Variants in ZNF106 observed in about 807,000 individuals in gnomAD.
ZNF106 encodes zinc finger protein 106, also known as SH3-domain binding protein 3.
In ZNF106, 67 loss-of-function variants were observed where a neutral mutation model predicts 195.1. The ratio of observed to expected loss-of-function variants is 0.34; its 90% confidence interval spans 0.28 to 0.42. The LOEUF (loss-of-function observed/expected upper bound fraction) is 0.42, where lower values mean the gene tolerates loss of function less well. ZNF106 is among the 10% of genes least tolerant of loss of function. The probability of loss-of-function intolerance (pLI) is 1.00; values close to 1 mark genes in which losing one functional copy is unlikely to be tolerated. For synonymous variants in ZNF106, 784 were observed against 818.6 expected (o/e 0.96, Z 0.72); for missense variants, 2,118 against 2,304.5 (o/e 0.92, Z 1.66).
chr15:42,466,725 T>C (rs2056525529), intron 2 of ZNF106, among the ~76,000 whole-genome samples: 2 of 152,220 alleles, frequency 1.3e-5, no homozygotes, highest in African/African-American at 2.4e-5. Flanking sequence ...CACTGTCCAC[T>C]CCCTCACTTC....
chr15:42,423,987 A>G lies in ZNF106; in HGVS notation c.5253+11T>C, dbSNP rs1186490867. The G allele has an allele frequency of 6.2e-7, 1 of 1,605,312 alleles. No individual in the cohort carries two copies. The highest frequency in any genetic ancestry group is 8.5e-7 in the Non-Finnish European group (1 of 1,177,258). ...TTCACAGTTTCTTTACACAACACCA[A>G]CACAGCTTACGTGAATGTTGTGAGC... On this transcript the variant is annotated intron_variant, in intron 17 of 21. Transcript: ENST00000564754.
intron 1 of ZNF106, among the ~76,000 whole-genome samples, chr15:42,478,480 G>C (rs2056831337): frequency 6.7e-6 from 1 of 150,280 alleles, no homozygotes; most frequent in African/African-American, 2.4e-5. Flanking sequence ...TGTTATTATG[G>C]AAGCCATATT....
intron 2 of ZNF106, among the ~76,000 whole-genome samples, chr15:42,471,172 A>G (rs113707946): frequency 6.6e-6 from 1 of 152,076 alleles, no homozygotes; most frequent in Non-Finnish European, 1.5e-5. Context: ...TTGTTCTCCT[A>G]CCCAAAATAT....
chr15:42,428,532 G>A (rs561101035), intron 14 of ZNF106, among the ~76,000 whole-genome samples: 2 of 152,266 alleles, frequency 1.3e-5, no homozygotes, highest in South Asian at 2.1e-4. Context: ...CAAATATGTG[G>A]TTTTCCGCAC....
At chr15:42,471,589 T>C (rs1202962273) in intron 2 of ZNF106, among the ~76,000 whole-genome samples, 2 of 151,942 alleles carry the variant, frequency 1.3e-5, no homozygotes, top group Non-Finnish European at 2.9e-5. Context: ...AAATCAGCCA[T>C]ACCCAGCAGC....
chr15:42,449,236 A>G (rs1249009493), intron 5 of ZNF106, among the ~76,000 whole-genome samples: 2 of 152,212 alleles, frequency 1.3e-5, no homozygotes, highest in Non-Finnish European at 2.9e-5. Flanking sequence ...TAGCATTCAG[A>G]AAAGTCTAGT....
chr15:42,462,037 A>G (rs1248814229), intron 3 of ZNF106, among the ~76,000 whole-genome samples: 1 of 152,190 alleles, frequency 6.6e-6, no homozygotes, highest in Admixed American at 6.5e-5. Flanking sequence ...ACTATATCCA[A>G]TATGTGAGTA....
At chr15:42,482,301 T>C (rs1035991957) in intron 1 of ZNF106, among the ~76,000 whole-genome samples, 2 of 152,168 alleles carry the variant, frequency 1.3e-5, no homozygotes, top group African/African-American at 4.8e-5. Flanking sequence ...CTCTAGAGTG[T>C]CATTTAGCTT....
At chr15:42,421,751 A>G (rs1040931274) in intron 19 of ZNF106, among the ~76,000 whole-genome samples, 166 bp downstream of exon 19, 1 of 152,230 alleles carries the variant, frequency 6.6e-6, no homozygotes, top group Admixed American at 6.5e-5. Context: ...TTAATAGACA[A>G]TGGAATATTC....
chr15:42,490,380 A>T (rs1652749748), intron 1 of ZNF106: 1 of 152,192 alleles, frequency 6.6e-6, no homozygotes, highest in Non-Finnish European at 1.5e-5. Flanking sequence ...CAAACTTCTC[A>T]ATAAGATGCC....
rs1241351979 is a variant in ZNF106, at chr15:42,414,508, A to C, written c.*2796T>G. 6.6e-6 allele frequency: 1 copy of C among 152,252 alleles called. No homozygotes were observed. Among genetic ancestry groups the C allele is most frequent in the Admixed American group, 6.5e-5 (1 of 15,292 alleles). The allele number at this position is 152,252 out of a possible 1,614,324, so 9.4% of individuals were successfully genotyped here. ...CACAGGTTCCCACACGTACACATAC[A>C]TACAAAGGAACCTGCACACTTGCAC... On this transcript the variant is annotated 3_prime_UTR_variant, in exon 22 of 22. Coordinates refer to ENST00000564754, the MANE Select transcript of ZNF106 (RefSeq NM_001366845.3).
chr15:42,450,814 C>A lies in ZNF106; in HGVS notation c.1458G>T (p.Leu486Phe). 6.2e-7 allele frequency: 1 copy of A among 1,614,098 alleles called. No homozygotes were observed. The highest frequency in any genetic ancestry group is 1.7e-5 in the Admixed American group (1 of 60,012). ...TATTCTTTGGATCTTGCTTTTGAGA[C>A]AATGATTTAGTGGCTGGACATGGAA... Reference protein sequence around the residue: ...PLLPCPATKSLSQKQDPKNIS... With the variant: ...PLLPCPATKSFSQKQDPKNIS... Residue 486 changes from leucine (L) to phenylalanine (F), a missense_variant, in exon 5 of 22, where the codon TTG (leucine) becomes TTT (phenylalanine). Physicochemically the swap from Leu to Phe is conservative, Grantham distance 22. Transcript: ENST00000564754.
chr15:42,443,603 G>A (rs890531336), intron 9 of ZNF106, among the ~76,000 whole-genome samples: 10 of 151,622 alleles, frequency 6.6e-5, no homozygotes, highest in African/African-American at 1.9e-4. Context: ...GGTGACACAC[G>A]TCTGTAGTCC....
chr15:42,440,994 AAAAAATATATATATATATATAT>A (rs1314693622), intron 10 of ZNF106, among the ~76,000 whole-genome samples: 2 of 54,512 alleles, frequency 3.7e-5, no homozygotes, highest in African/African-American at 2.7e-4. Context: ...AAAAAAAAAA[AAAAAATATATATATATATATAT>A]ATATATATAT....
At chr15:42,472,347 A>G (rs2056692490) in intron 1 of ZNF106, 26 bp from the exon 2 acceptor site, 1 of 1,502,232 alleles carries the variant, frequency 6.7e-7, no homozygotes, top group Non-Finnish European at 8.9e-7. Context: ...AACATTTAGT[A>G]ACCTTTTCTC....
chr15:42,481,342 GTTTTTTTTTTTGTTGT>G (rs1431163928), intron 1 of ZNF106, among the ~76,000 whole-genome samples: 14 of 119,528 alleles, frequency 1.2e-4, no homozygotes, highest in African/African-American at 3.9e-4. Flanking sequence ...TATTCTTTCT[GTTTTTTTTTTTGTTGT>G]TTTTTTTTTT....
chr15:42,463,591 G>A (rs1411303074), intron 3 of ZNF106, among the ~76,000 whole-genome samples: 1 of 151,836 alleles, frequency 6.6e-6, no homozygotes, highest in Non-Finnish European at 1.5e-5. Flanking sequence ...AAAAATAAAG[G>A]CCAAATGAAA....
rs775166693 is a variant in ZNF106, at chr15:42,425,007, T to C, written c.5017A>G (p.Ile1673Val). The change falls in exon 16 of 22, where the codon ATC (isoleucine) becomes GTC (valine). Residue 1673 changes from isoleucine to valine, a missense_variant. Coordinates refer to ENST00000564754, the MANE Select transcript of ZNF106 (RefSeq NM_001366845.3). ...GCCCGAGGGCCATGGCATTCAAAGA[T>C]CTCAAGTCGTTTGTTGTTCTGGAAA... ...FNIKNNKRLE[I>V]FECHGPRAVS... 4 of 1,614,026 alleles carry C rather than the reference T, an allele frequency of 2.5e-6. No individual in the cohort carries two copies. The South Asian group carries it at 4.4e-5, about 18-fold the overall frequency.
intron 4 of ZNF106, among the ~76,000 whole-genome samples, chr15:42,454,010 A>G (rs1284759566): frequency 6.6e-6 from 1 of 152,244 alleles, no homozygotes. Flanking sequence ...CTCCAGCCAG[A>G]GTCTATACTC....
Sources: allele counts gnomAD v4.1 joint callset (sites outside exome capture counted in the v4.1 genomes callset), GRCh38; gene constraint gnomAD v4.1.1; transcripts MANE v1.5; gene names NCBI Gene and HGNC (gene_info 2026-07-23, HGNC 2026-07-21).